Variants in SYT14 observed in about 807,000 individuals in gnomAD.
SYT14 encodes synaptotagmin 14, also known as synaptotagmin-14.
In SYT14, 32 loss-of-function variants were observed where a neutral mutation model predicts 74.2. That is an observed-to-expected ratio of 0.43 (90% confidence interval 0.33 to 0.58). SYT14 has a LOEUF of 0.58. Among genes scored for constraint, SYT14 ranks in the 20% least tolerant of loss-of-function variants. The pLI is 0.05. For missense variants in SYT14, 791 were observed against 981.8 expected (o/e 0.81, Z 2.60); for synonymous variants, 298 against 337.7 (o/e 0.88, Z 1.29).
At chr1:210,002,539 T>C (rs940026926) in intron 2 of SYT14, among the ~76,000 whole-genome samples, 4 of 152,258 alleles carry the variant, frequency 2.6e-5, no homozygotes, top group African/African-American at 7.2e-5. Context: ...ATGATTTTTT[T>C]TTCTGTACTG....
chr1:210,054,547 C>G (rs992188768), intron 5 of SYT14, among the ~76,000 whole-genome samples: 1 of 151,950 alleles, frequency 6.6e-6, no homozygotes, highest in African/African-American at 2.4e-5. Flanking sequence ...GGTTTTCTCA[C>G]ATATGTAGAG....
chr1:210,115,863 T>C (rs1416243546), intron 7 of SYT14, among the ~76,000 whole-genome samples: 2 of 151,268 alleles, frequency 1.3e-5, no homozygotes, highest in Non-Finnish European at 2.9e-5. Flanking sequence ...TGCATCTGTG[T>C]GAAGAGACCA....
intron 2 of SYT14, among the ~76,000 whole-genome samples, chr1:210,013,032 C>T (rs1249308438): frequency 6.6e-6 from 1 of 151,404 alleles, no homozygotes; most frequent in Non-Finnish European, 1.5e-5. Context: ...CAAATTTTTG[C>T]AGTGCTCTTC....
At position 210,113,570 on chromosome 1, in the gene SYT14, C is replaced by T. The variant is rs138218797; in HGVS notation, c.2034+13109C>T. Among the ~76,000 whole-genome samples the T allele has an allele frequency of 9.3e-3, 1,395 of 150,792 alleles. 107 individuals carry two copies. Among genetic ancestry groups the T allele is most frequent in the African/African-American group, 0.032 (1,290 of 40,314 alleles). ...TGTGGGATGGGATATTGGTGTTGAG[C>T]GGGGTAAGGGTGATTAGGTTTTAAT... On this transcript the variant is annotated intron_variant, in intron 7 of 9. Transcript: ENST00000637265.
intron 2 of SYT14, chr1:209,965,987 C>T: frequency 2.2e-6 from 1 of 453,136 alleles, no homozygotes; most frequent in South Asian, 1.6e-5. Context: ...TCTTCTGCCT[C>T]AGCATCCCAA....
intron 1 of SYT14, among the ~76,000 whole-genome samples, chr1:209,939,470 T>C (rs1394988253): frequency 6.6e-6 from 1 of 152,224 alleles, no homozygotes; most frequent in African/African-American, 2.4e-5. Flanking sequence ...GCTTATTTAT[T>C]TAAGAGAGGG....
chr1:209,953,388 G>C, intron 2 of SYT14: 1 of 574,382 alleles, frequency 1.7e-6, no homozygotes, highest in Non-Finnish European at 2.7e-6. Context: ...ATGAAGGAAA[G>C]ATATTCCTGG....
At chr1:210,029,115 A>G (rs2080474067) in intron 5 of SYT14, among the ~76,000 whole-genome samples, 1 of 151,990 alleles carries the variant, frequency 6.6e-6, no homozygotes, top group East Asian at 1.9e-4. Flanking sequence ...TTGGAATTGC[A>G]TTGTTTGTTG....
intron 2 of SYT14, among the ~76,000 whole-genome samples, chr1:210,011,477 T>G (rs1370626221): frequency 6.6e-6 from 1 of 152,174 alleles, no homozygotes; most frequent in Non-Finnish European, 1.5e-5. Flanking sequence ...CAGCTAGCAC[T>G]CCTACCGTTC....
intron 2 of SYT14, among the ~76,000 whole-genome samples, chr1:209,991,826 T>C (rs1315147341): frequency 6.8e-6 from 1 of 147,952 alleles, no homozygotes; most frequent in Non-Finnish European, 1.5e-5. Context: ...CGAGACTCCG[T>C]CTCGAGAAAA....
chr1:210,131,539 CATT>C (rs1171640452), intron 7 of SYT14, among the ~76,000 whole-genome samples: 10 of 151,236 alleles, frequency 6.6e-5, no homozygotes, highest in African/African-American at 2.2e-4. Flanking sequence ...TATTTTTTAT[CATT>C]ATTTATATAT....
intron 5 of SYT14, among the ~76,000 whole-genome samples, chr1:210,090,808 C>T (rs2081852156): frequency 1.3e-5 from 2 of 151,822 alleles, no homozygotes; most frequent in Admixed American, 1.3e-4. Flanking sequence ...TACATTTAAG[C>T]CAACTCTTAG....
chr1:210,122,594 G>A, intron 7 of SYT14, among the ~76,000 whole-genome samples: 1 of 150,682 alleles, frequency 6.6e-6, no homozygotes, highest in African/African-American at 2.4e-5. Context: ...TCCACATATG[G>A]TCTCTGTCGC....
rs560880096 is a variant in SYT14, at chr1:209,947,245, G to A, written c.-533-5464G>A. On this transcript the variant is annotated intron_variant, in intron 1 of 9. Transcript: ENST00000637265. ...TAAGACTTTCAAGCTTTATTATTTA[G>A]GAAATATATTGTGTAAGGCTGTAGC... Among the ~76,000 whole-genome samples the A allele has an allele frequency of 3.8e-4, 58 of 152,268 alleles. No homozygotes were observed. In the South Asian group the frequency reaches 5.8e-3, roughly 15 times the overall value.
chr1:210,024,582 T>C (rs1478828469), intron 5 of SYT14, among the ~76,000 whole-genome samples: 2 of 152,114 alleles, frequency 1.3e-5, no homozygotes, highest in Non-Finnish European at 2.9e-5. Flanking sequence ...ATTTTACATA[T>C]GTGATGAGGC....
chr1:210,102,229 T>C (rs1378388564), intron 7 of SYT14, among the ~76,000 whole-genome samples: 1 of 152,140 alleles, frequency 6.6e-6, no homozygotes, highest in Non-Finnish European at 1.5e-5. Flanking sequence ...AATAGTTAAT[T>C]TTCCTGATCC....
intron 2 of SYT14, among the ~76,000 whole-genome samples, chr1:209,981,155 C>A (rs1357848496): frequency 6.6e-6 from 1 of 152,002 alleles, no homozygotes; most frequent in South Asian, 2.1e-4. Flanking sequence ...TGAAGAGGTC[C>A]TTCACTTCCC....
At chr1:210,117,517 A>G (rs2130626) in intron 7 of SYT14, among the ~76,000 whole-genome samples, 21,486 of 152,146 alleles carry the variant, frequency 0.14, 4,862 homozygotes, top group African/African-American at 0.48. Flanking sequence ...CATGAAGAAG[A>G]AAGCTACATG....
chr1:210,069,219 T>C (rs1441830792), intron 5 of SYT14, among the ~76,000 whole-genome samples: 1 of 151,942 alleles, frequency 6.6e-6, no homozygotes, highest in African/African-American at 2.4e-5. Flanking sequence ...GGGATTAATA[T>C]CTATTGTATC....
Sources: gnomAD v4.1 joint callset for allele counts (sites outside exome capture counted in the v4.1 genomes callset) on GRCh38, gnomAD v4.1.1 for gene constraint, MANE v1.5 for transcripts, NCBI Gene and HGNC (gene_info 2026-07-23, HGNC 2026-07-21) for gene names.